The following PLOD2 variants were observed in gnomAD, a reference collection of about 807,000 sequenced individuals.
PLOD2 encodes lysine hydroxylase 2.
In PLOD2, 65 loss-of-function variants were observed where a neutral mutation model predicts 101.0. The observed-to-expected ratio is 0.64, with a 90% confidence interval of 0.53 to 0.79. PLOD2 has a LOEUF of 0.79. Ranked by LOEUF, PLOD2 falls within the 30% of genes least tolerant of loss-of-function variation. PLOD2 has a pLI of 0.00. For missense variants in PLOD2, 909 were observed against 914.6 expected (o/e 0.99, Z 0.08); for synonymous variants, 314 against 302.9 (o/e 1.04, Z -0.38).
intron 6 of PLOD2, 84 bp downstream of exon 6, chr3:146,104,195 C>A: frequency 2.4e-6 from 2 of 834,682 alleles, no homozygotes; most frequent in Non-Finnish European, 4.3e-6. Flanking sequence ...TCACAGCCCC[C>A]AAATGGACAT....
chr3:146,110,475 T>C, intron 3 of PLOD2, 27 bp from the exon 4 acceptor site: 1 of 1,579,592 alleles, frequency 6.3e-7, no homozygotes, highest in Non-Finnish European at 8.7e-7. Flanking sequence ...AAATGTGTTT[T>C]AAAATACACT....
chr3:146,113,161 T>C (rs1228990644), intron 3 of PLOD2, among the ~76,000 whole-genome samples: 3 of 152,220 alleles, frequency 2.0e-5, no homozygotes, highest in Admixed American at 2.0e-4. Flanking sequence ...TTTATAAGCC[T>C]GTATTATCTT....
At chr3:146,096,831 G>A (rs1250035924) in intron 7 of PLOD2, among the ~76,000 whole-genome samples, 3 of 140,970 alleles carry the variant, frequency 2.1e-5, no homozygotes, top group South Asian at 2.3e-4. Flanking sequence ...CCCCTACTGG[G>A]AAGTGAGGAG....
chr3:146,116,012 G>A (rs1232228833), intron 3 of PLOD2, among the ~76,000 whole-genome samples: 1 of 152,130 alleles, frequency 6.6e-6, no homozygotes, highest in Non-Finnish European at 1.5e-5. Flanking sequence ...CAACAGAAGT[G>A]TTCCCTAACC....
At chr3:146,155,147 C>T (rs1403968877) in intron 1 of PLOD2, among the ~76,000 whole-genome samples, 1 of 151,462 alleles carries the variant, frequency 6.6e-6, no homozygotes, top group African/African-American at 2.4e-5. Context: ...TGGGTTGCAA[C>T]ATGTAGGCTT....
chr3:146,154,278 G>GT (rs1302114781), intron 1 of PLOD2, among the ~76,000 whole-genome samples: 1 of 152,050 alleles, frequency 6.6e-6, no homozygotes, highest in South Asian at 2.1e-4. Context: ...TTGAAATACG[G>GT]TTTTTTCTTT....
intron 1 of PLOD2, among the ~76,000 whole-genome samples, chr3:146,129,700 T>C (rs554513284): frequency 6.6e-6 from 1 of 152,324 alleles, no homozygotes; most frequent in African/African-American, 2.4e-5. Flanking sequence ...CAGCGAGTTA[T>C]AACTCCCATC....
chr3:146,160,349 C>T (rs970983023), intron 1 of PLOD2, among the ~76,000 whole-genome samples: 1 of 152,258 alleles, frequency 6.6e-6, no homozygotes, highest in South Asian at 2.1e-4. Context: ...CCTGGAGGTA[C>T]TGGGTAGCCA....
Position 146,135,542 on chromosome 3 carries a change from A to G in PLOD2, c.110-11313T>C, listed in dbSNP as rs369526696. Among the ~76,000 whole-genome samples, 99 of 152,278 alleles carry G rather than the reference A, an allele frequency of 6.5e-4. 2 individuals carry two copies. The East Asian group carries it at 0.01, about 15-fold the overall frequency. On this transcript the variant is annotated intron_variant, in intron 1 of 19. Coordinates refer to ENST00000282903, the MANE Select transcript of PLOD2 (RefSeq NM_182943.3). ...ACCGTGCCAAGTTGGAGATCTAAAA[A>G]ATATATTTATATATGTGACTGATCT...
chr3:146,078,748 A>ATT (rs1041874500), intron 13 of PLOD2, among the ~76,000 whole-genome samples: 5 of 151,842 alleles, frequency 3.3e-5, no homozygotes, highest in Admixed American at 6.6e-5. Flanking sequence ...ATCTGGAAAT[A>ATT]TTGTTTCATC....
intron 1 of PLOD2, among the ~76,000 whole-genome samples, chr3:146,157,509 A>G (rs989238876): frequency 1.1e-4 from 17 of 152,334 alleles, no homozygotes; most frequent in African/African-American, 4.1e-4. Context: ...TCATGCACAT[A>G]TCTAGGATTA....
rs71158220 is a variant in PLOD2 at position 146,148,338 on chromosome 3, G to GCACACACACACACACA, written c.109+12527_109+12542dup. 2.0e-3 allele frequency among the ~76,000 whole-genome samples: 293 copies of GCACACACACACACACA among 146,532 alleles called. 1 individual carries two copies. Among genetic ancestry groups the GCACACACACACACACA allele is most frequent in the Middle Eastern group, 0.01 (3 of 286 alleles). On this transcript the variant is annotated intron_variant, in intron 1 of 19. Transcript: ENST00000282903. Reference sequence around the variant, plus strand: ...TACAGGCAGGCAGGCAGGCAGGCACGCACACACACACACACACACACACAC... The same window carrying GCACACACACACACACA: ...TACAGGCAGGCAGGCAGGCAGGCACGCACACACACACACACACACACACACACACACACACACACAC...
intron 4 of PLOD2, among the ~76,000 whole-genome samples, chr3:146,109,002 C>T (rs1937581969): frequency 6.6e-6 from 1 of 152,184 alleles, no homozygotes; most frequent in Admixed American, 6.5e-5. Context: ...GTGGAAGCAG[C>T]ACCCATCCAT....
rs1460460792 is a variant in PLOD2, at chr3:146,161,125, G to T, written c.-136C>A. The stretch of plus-strand genomic sequence containing the variant: ...GAGCCGGCGGGCAAGGCGCGCGGCC[G>T]GCAGCCGGAGCGGCGCGTAACGCAG... On this transcript the variant is annotated 5_prime_UTR_variant, in exon 1 of 20. Coordinates refer to ENST00000282903, the MANE Select transcript of PLOD2 (RefSeq NM_182943.3). 1 of 462,806 alleles carries T rather than the reference G, an allele frequency of 2.2e-6. No homozygotes were observed. The highest frequency in any genetic ancestry group is 3.9e-5 in the East Asian group (1 of 25,362). 28.7% of individuals were successfully genotyped at this position (462,806 alleles called of 1,614,324 possible).
chr3:146,108,736 C>A (rs1272276341), intron 4 of PLOD2, among the ~76,000 whole-genome samples: 1 of 152,152 alleles, frequency 6.6e-6, no homozygotes, highest in Admixed American at 6.6e-5. Flanking sequence ...TAATTTCTTG[C>A]TGCTTCCAAA....
At chr3:146,081,694 A>G (rs1303452416) in intron 12 of PLOD2, 44 bp downstream of exon 12, 2 of 1,507,056 alleles carry the variant, frequency 1.3e-6, no homozygotes, top group Non-Finnish European at 1.8e-6. Flanking sequence ...CTACATCTTT[A>G]GATTATGGTA....
At chr3:146,071,847 C>T (rs3792345) in intron 17 of PLOD2, among the ~76,000 whole-genome samples, 27,900 of 151,534 alleles carry the variant, frequency 0.18, 2,988 homozygotes, top group South Asian at 0.26. Context: ...CCCGCCCTTC[C>T]TCACTTCTAT....
At chr3:146,136,142 C>T (rs1157624988) in intron 1 of PLOD2, among the ~76,000 whole-genome samples, 4 of 152,100 alleles carry the variant, frequency 2.6e-5, no homozygotes, top group African/African-American at 9.7e-5. Flanking sequence ...TTGTTTCTCA[C>T]ACTTCAGAAA....
chr3:146,088,892 C>T, intron 8 of PLOD2, 181 bp from the exon 9 acceptor site: 2 of 576,230 alleles, frequency 3.5e-6, no homozygotes, highest in Non-Finnish European at 6.2e-6. Flanking sequence ...TGTGGCCCCC[C>T]CAATCAAAGT....
Sources: allele counts gnomAD v4.1 joint callset (sites outside exome capture counted in the v4.1 genomes callset), GRCh38; gene constraint gnomAD v4.1.1; transcripts MANE v1.5; gene names NCBI Gene and HGNC (gene_info 2026-07-23, HGNC 2026-07-21).